Variants in OXTR observed in about 807,000 individuals in gnomAD.
The protein encoded by OXTR is oxytocin receptor.
In OXTR, 19 loss-of-function variants were observed where a neutral mutation model predicts 23.9. The ratio of observed to expected loss-of-function variants is 0.80; its 90% CI spans 0.56 to 1.17. The LOEUF (loss-of-function observed/expected upper bound fraction) is 1.17. OXTR is among the 50% of genes most tolerant of loss of function. The pLI, the probability that OXTR is intolerant of heterozygous loss-of-function variation, is 0.00. For synonymous variants in OXTR, 278 were observed against 250.5 expected (o/e 1.11, Z -1.04); for missense variants, 500 against 550.7 (o/e 0.91, Z 0.92).
At chr3:8,764,934 G>A (rs1708571713) in intron 3 of OXTR, among the ~76,000 whole-genome samples, 1 of 152,188 alleles carries the variant, frequency 6.6e-6, no homozygotes, top group African/African-American at 2.4e-5. Flanking sequence ...ACCCTTCCCT[G>A]TGAATTCCTA....
chr3:8,744,000 G>A, the OXTR span, among the ~76,000 whole-genome samples: 1 of 152,100 alleles, frequency 6.6e-6, no homozygotes. Context: ...GCGGGAAAGG[G>A]ACTAACTAAC....
chr3:8,753,609 C>T lies in OXTR; in HGVS notation c.923-385G>A, dbSNP rs113200621. On this transcript the variant is annotated intron_variant, in intron 3 of 3. Coordinates refer to ENST00000316793, the MANE Select transcript of OXTR (RefSeq NM_000916.4). ...CTTCGAGTGTCTGCAAGCACAGTAC[C>T]CAAAAGCTGCCACACCTAGTTTGCA... Among the ~76,000 whole-genome samples, 562 of 152,266 alleles carry T rather than the reference C, an allele frequency of 3.7e-3. 5 individuals are homozygous for T. The highest frequency in any genetic ancestry group is 0.013 in the African/African-American group (523 of 41,548).
At chr3:8,755,176 C>T (rs11718289) in intron 3 of OXTR, among the ~76,000 whole-genome samples, 54,877 of 151,756 alleles carry the variant, frequency 0.36, 11,319 homozygotes, top group Non-Finnish European at 0.45. Flanking sequence ...CAAAAATCAA[C>T]GTGCAAAAGT....
intron 3 of OXTR, among the ~76,000 whole-genome samples, chr3:8,760,030 T>C (rs1708453709): frequency 2.6e-5 from 4 of 152,232 alleles, no homozygotes; most frequent in Admixed American, 2.6e-4. Context: ...CCCAGCATCC[T>C]TGGACTTGCC....
At chr3:8,755,638 C>A (rs1458383504) in intron 3 of OXTR, among the ~76,000 whole-genome samples, 3 of 152,250 alleles carry the variant, frequency 2.0e-5, no homozygotes, top group Admixed American at 6.5e-5. Context: ...CTGGTGGCCA[C>A]AGACACGAGT....
intron 3 of OXTR, among the ~76,000 whole-genome samples, chr3:8,762,405 C>T (rs1015899161): frequency 2.0e-5 from 3 of 152,282 alleles, no homozygotes; most frequent in Admixed American, 6.5e-5. Context: ...TAAGGGAAAA[C>T]ATTAACATTA....
downstream of OXTR, chr3:8,745,419 A>C: frequency 2.4e-6 from 2 of 826,378 alleles, no homozygotes; most frequent in South Asian, 2.9e-5. This position sits in a 1 kb window ranked among gnomAD's most constrained non-coding sequence, Gnocchi z 4.8. Flanking sequence ...CCAGCCACCA[A>C]GGTTAACCTG....
At chr3:8,753,808 C>T (rs2139184) in intron 3 of OXTR, among the ~76,000 whole-genome samples, 6 of 110,648 alleles carry the variant, frequency 5.4e-5, no homozygotes, top group Non-Finnish European at 8.1e-5. Flanking sequence ...GACCATGTGC[C>T]GGGCAAATCA....
chr3:8,742,952 G>A, the OXTR span, among the ~76,000 whole-genome samples: 1 of 152,186 alleles, frequency 6.6e-6, no homozygotes, highest in African/African-American at 2.4e-5. Context: ...CATGGTGCAG[G>A]CATCTGCAGC....
chr3:8,767,521 T>C lies in OXTR; in HGVS notation c.667A>G (p.Ile223Val). ...AAGTTCTGCCAGATCTTGAAGCTGA[T>C]AAGGCCGTAGCAGGCAGCGAGCACG... ...VIVLAACYGL[I>V]SFKIWQNLRL... Residue 223 changes from isoleucine (I) to valine (V), a missense_variant, in exon 3 of 4, where the codon ATC becomes GTC. Ile to Val is a conservative substitution (Grantham distance 29, BLOSUM62 3). Transcript: ENST00000316793. 6.2e-7 allele frequency: 1 copy of C among 1,612,838 alleles called. No individual in the cohort carries two copies. The highest frequency in any genetic ancestry group is 8.5e-7 in the Non-Finnish European group (1 of 1,179,540).
downstream of OXTR, among the ~76,000 whole-genome samples, chr3:8,749,542 T>G (rs34605596): frequency 0.067 from 10,268 of 152,280 alleles, 515 homozygotes; most frequent in East Asian, 0.21. Context: ...CCACTGCTGC[T>G]GCATTTGCAC....
Position 8,753,641 on chromosome 3 carries a change from C to T in OXTR, c.923-417G>A, listed in dbSNP as rs1708316542. ...CTGCCACACCTAGTTTGCATGCTAG[C>T]CTCACCAGCGCCTAGTTACTTGAAG... On this transcript the variant is annotated intron_variant, in intron 3 of 3. Coordinates refer to ENST00000316793, the MANE Select transcript of OXTR (RefSeq NM_000916.4). 2.6e-5 allele frequency among the ~76,000 whole-genome samples: 4 copies of T among 152,286 alleles called. No homozygotes were observed. The South Asian group carries it at 8.3e-4, about 32-fold the overall frequency.
rs773950877 is a variant in OXTR, at chr3:8,767,838, T to C, written c.350A>G (p.Tyr117Cys). Reference sequence around the variant, plus strand: ...GGCGAACATGCCCACCACCTGCAAGTACTTGACCAGGCGGCACAGCAGGTC... The same window carrying C: ...GGCGAACATGCCCACCACCTGCAAGCACTTGACCAGGCGGCACAGCAGGTC... ...GPDLLCRLVK[Y>C]LQVVGMFAST... is the part of the protein sequence containing the mutation. The change falls in exon 3 of 4, where the codon TAC becomes TGC. Residue 117 changes from tyrosine (Y) to cysteine (C), a missense_variant. By Grantham distance (194) the Tyr-to-Cys change is radical (BLOSUM62 -2). Coordinates refer to ENST00000316793, the MANE Select transcript of OXTR (RefSeq NM_000916.4). The C allele has an allele frequency of 1.9e-6, 3 of 1,612,510 alleles. No homozygotes were observed. In the South Asian group the frequency reaches 3.3e-5, roughly 18 times the overall value.
intron 3 of OXTR, among the ~76,000 whole-genome samples, chr3:8,766,179 T>C (rs1708602750): frequency 1.3e-5 from 2 of 152,172 alleles, no homozygotes; most frequent in Admixed American, 1.3e-4. Context: ...CAAAAACTTA[T>C]AAATCATTCA....
chr3:8,758,411 C>T (rs1052124796), intron 3 of OXTR, among the ~76,000 whole-genome samples: 1 of 152,166 alleles, frequency 6.6e-6, no homozygotes, highest in African/African-American at 2.4e-5. Context: ...AGCCCATCAA[C>T]TTCACAAAAG....
At position 8,767,785 on chromosome 3, in the gene OXTR, G is replaced by T. The variant is rs1195917449; in HGVS notation, c.403C>A (p.Leu135Met). The change falls in exon 3 of 4, where the codon CTG (leucine) becomes ATG (methionine). Residue 135 changes from leucine to methionine, a missense_variant. Coordinates refer to ENST00000316793, the MANE Select transcript of OXTR (RefSeq NM_000916.4). ...TGGCAGATGGCCAGGCAGCGGTCCA[G>T]GGACATGAGCAGCAGCAGGTAGGTG... ...ASTYLLLLMS[L>M]DRCLAICQPL... 1 of 1,607,332 alleles carries T rather than the reference G, an allele frequency of 6.2e-7. No homozygotes were observed. Among genetic ancestry groups the T allele is most frequent in the Non-Finnish European group, 8.5e-7 (1 of 1,177,020 alleles).
Position 8,768,241 on chromosome 3 carries a change from G to C in OXTR, c.-54C>G. On this transcript the variant is annotated 5_prime_UTR_variant, in exon 3 of 4. Coordinates refer to ENST00000316793, the MANE Select transcript of OXTR (RefSeq NM_000916.4). The surrounding 1 kb of genome is among the most constrained non-coding windows in gnomAD (Gnocchi z 5.4). ...CTTCGAGCCCTTTACGGCTTGGCGCGGCTGGGCCGGATCCGGCGTGTCGGA... is the reference window on the plus strand; with the variant it reads ...CTTCGAGCCCTTTACGGCTTGGCGCCGCTGGGCCGGATCCGGCGTGTCGGA... 1 of 1,263,694 alleles carries C rather than the reference G, an allele frequency of 7.9e-7. No individual in the cohort carries two copies. The highest frequency in any genetic ancestry group is 9.9e-7 in the Non-Finnish European group (1 of 1,009,664). The allele number at this position is 1,263,694 out of a possible 1,614,324, so 78.3% of individuals were successfully genotyped here.
downstream of OXTR, chr3:8,745,510 C>G: frequency 6.2e-7 from 1 of 1,606,292 alleles, no homozygotes; most frequent in Non-Finnish European, 8.5e-7. The surrounding 1 kb of genome is among the most constrained non-coding windows in gnomAD (Gnocchi z 4.8). Flanking sequence ...GAGGCTTCCC[C>G]TTGCCACCCC....
At chr3:8,763,370 A>G (rs1335927479) in intron 3 of OXTR, among the ~76,000 whole-genome samples, 1 of 152,192 alleles carries the variant, frequency 6.6e-6, no homozygotes, top group Non-Finnish European at 1.5e-5. Context: ...CAACTGGCTT[A>G]AGGACACTGG....
Sources: gnomAD v4.1 joint callset for allele counts (sites outside exome capture counted in the v4.1 genomes callset) on GRCh38, gnomAD v4.1.1 for gene constraint, Gnocchi (gnomAD v3.1) non-coding constraint, MANE v1.5 for transcripts, NCBI Gene and HGNC (gene_info 2026-07-23, HGNC 2026-07-21) for gene names.